RTN1: variants seen among roughly 807,000 people sequenced by gnomAD.
RTN1 encodes the protein reticulon-1.
A neutral mutation model predicts 65.5 loss-of-function variants in RTN1; 25 were observed. That is an observed-to-expected ratio of 0.38 (90% confidence interval 0.28 to 0.53). The LOEUF is 0.53. RTN1 is among the 20% of genes least tolerant of loss of function. The probability of loss-of-function intolerance (pLI) is 0.79; values close to 1 mark genes in which losing one functional copy is unlikely to be tolerated. For synonymous variants in RTN1, 471 were observed against 447.6 expected (o/e 1.05, Z -0.66); for missense variants, 983 against 1,025.4 (o/e 0.96, Z 0.57).
At chr14:59,613,036 T>C (rs1825261896) in intron 3 of RTN1, among the ~76,000 whole-genome samples, 1 of 152,226 alleles carries the variant, frequency 6.6e-6, no homozygotes, top group South Asian at 2.1e-4. Flanking sequence ...CTTCCCCCCA[T>C]ACTTAGCTTC....
intron 3 of RTN1, among the ~76,000 whole-genome samples, chr14:59,618,198 A>G (rs1882158299): frequency 6.6e-6 from 1 of 152,218 alleles, no homozygotes; most frequent in South Asian, 2.1e-4. Flanking sequence ...TGGGGACTAG[A>G]TTGCCTTTGC....
chr14:59,797,175 C>G (rs1205104505), intron 1 of RTN1, among the ~76,000 whole-genome samples: 2 of 152,084 alleles, frequency 1.3e-5, no homozygotes, highest in African/African-American at 4.8e-5. Context: ...GCTTCTTATT[C>G]TATGTAATAA....
intron 3 of RTN1, among the ~76,000 whole-genome samples, chr14:59,679,919 T>TA (rs1883710681): frequency 6.6e-6 from 1 of 152,134 alleles, no homozygotes. Flanking sequence ...TTTTCTTTTT[T>TA]AAAAAAATAG....
chr14:59,852,113 T>C (rs1447388823), intron 1 of RTN1, among the ~76,000 whole-genome samples: 1 of 152,160 alleles, frequency 6.6e-6, no homozygotes, highest in Non-Finnish European at 1.5e-5. Context: ...TTGTATTATC[T>C]ATAATAAAAG....
At chr14:59,706,481 G>A (rs1281222431) in intron 3 of RTN1, among the ~76,000 whole-genome samples, 2 of 148,830 alleles carry the variant, frequency 1.3e-5, no homozygotes, top group Admixed American at 6.7e-5. Context: ...TATTTCAACA[G>A]ACTTAATGAC....
At chr14:59,658,982 C>G (rs764893023) in intron 3 of RTN1, among the ~76,000 whole-genome samples, 4 of 151,808 alleles carry the variant, frequency 2.6e-5, no homozygotes, top group African/African-American at 9.7e-5. Flanking sequence ...AGCTAAGAAC[C>G]GTGAAAAAAG....
At chr14:59,689,975 T>G (rs12894153) in intron 3 of RTN1, among the ~76,000 whole-genome samples, 94,446 of 150,888 alleles carry the variant, frequency 0.63, 29,635 homozygotes, top group South Asian at 0.71. Flanking sequence ...TAATCTTGAA[T>G]GTAATTTCCT....
chr14:59,759,708 T>TAA (rs967470834), intron 1 of RTN1, among the ~76,000 whole-genome samples: 1 of 143,572 alleles, frequency 7.0e-6, no homozygotes, highest in African/African-American at 2.5e-5. Flanking sequence ...ATTGCTTCAT[T>TAA]AAAAAAAAAA....
At chr14:59,635,090 TAAATC>T in intron 3 of RTN1, among the ~76,000 whole-genome samples, 1 of 152,172 alleles carries the variant, frequency 6.6e-6, no homozygotes, top group East Asian at 1.9e-4. Flanking sequence ...AGACAAGTAA[TAAATC>T]AATACCCCGA....
At chr14:59,651,579 A>T (rs1420726404) in intron 3 of RTN1, among the ~76,000 whole-genome samples, 1 of 152,072 alleles carries the variant, frequency 6.6e-6, no homozygotes. Context: ...CTCTACTAAA[A>T]ATACAAAAAT....
chr14:59,648,201 A>G (rs1396851843), intron 3 of RTN1, among the ~76,000 whole-genome samples: 4 of 152,202 alleles, frequency 2.6e-5, no homozygotes, highest in Non-Finnish European at 5.9e-5. Context: ...GAAGAGATAA[A>G]TAAATTCCTG....
chr14:59,785,449 T>C (rs560975542), intron 1 of RTN1, among the ~76,000 whole-genome samples: 2 of 152,364 alleles, frequency 1.3e-5, no homozygotes, highest in Admixed American at 1.3e-4. Context: ...CAGATCTGAA[T>C]GCCAAGGTAA....
chr14:59,613,929 G>C (rs571465024), intron 3 of RTN1, among the ~76,000 whole-genome samples: 2 of 152,084 alleles, frequency 1.3e-5, no homozygotes, highest in Non-Finnish European at 2.9e-5. Flanking sequence ...GAGTTTTGGG[G>C]GTATCAGAAA....
intron 1 of RTN1, among the ~76,000 whole-genome samples, chr14:59,789,931 A>T (rs1026098131): frequency 1.3e-5 from 2 of 152,148 alleles, no homozygotes; most frequent in Non-Finnish European, 2.9e-5. Context: ...AAAATTTTAC[A>T]TGGCTTTTAT....
At chr14:59,614,003 A>G (rs1882035292) in intron 3 of RTN1, among the ~76,000 whole-genome samples, 1 of 152,152 alleles carries the variant, frequency 6.6e-6, no homozygotes, top group Non-Finnish European at 1.5e-5. Flanking sequence ...TTATGGAGGG[A>G]TACTTAATTC....
At chr14:59,674,197 T>C (rs182802280) in intron 3 of RTN1, among the ~76,000 whole-genome samples, 1 of 152,214 alleles carries the variant, frequency 6.6e-6, no homozygotes, top group African/African-American at 2.4e-5. Context: ...GACAAAGTTA[T>C]ACCTCTATGG....
At chr14:59,717,203 G>C (rs939666641) in intron 3 of RTN1, among the ~76,000 whole-genome samples, 2 of 152,112 alleles carry the variant, frequency 1.3e-5, no homozygotes, top group Admixed American at 6.5e-5. Context: ...ATTAGGTTTT[G>C]GGGCACATAC....
In RTN1 at chr14:59,863,358, C is replaced by T. The variant is rs149426354; in HGVS notation, c.241+7032G>A. Among the ~76,000 whole-genome samples, 471 of 152,192 alleles carry T rather than the reference C, an allele frequency of 3.1e-3. 3 individuals are homozygous for T. Among genetic ancestry groups the T allele is most frequent in the Middle Eastern group, 0.02 (6 of 294 alleles). On this transcript the variant is annotated intron_variant, in intron 1 of 8. Transcript: ENST00000267484. ...TCATTTGCTCTAAAACCATTTCAAC[C>T]GAGATGTTTTTCCCGGCACTTTGAA... is the stretch of plus-strand genomic sequence containing the variant.
intron 1 of RTN1, among the ~76,000 whole-genome samples, chr14:59,792,486 T>A (rs889154531): frequency 6.6e-6 from 1 of 151,976 alleles, no homozygotes; most frequent in African/African-American, 2.4e-5. Context: ...ACTGGCCACA[T>A]TTAACTGGGT....
Sources: allele counts gnomAD v4.1 joint callset (sites outside exome capture counted in the v4.1 genomes callset), GRCh38; gene constraint gnomAD v4.1.1; transcripts MANE v1.5; gene names NCBI Gene and HGNC (gene_info 2026-07-23, HGNC 2026-07-21).